Variants in SLC2A9 observed in about 807,000 individuals in gnomAD.
SLC2A9 encodes solute carrier family 2, facilitated glucose transporter member 9.
A neutral mutation model predicts 50.6 loss-of-function variants in SLC2A9; 39 were observed. The ratio of observed to expected loss-of-function variants is 0.77; its 90% CI spans 0.60 to 1.01. The LOEUF (loss-of-function observed/expected upper bound fraction) is 1.01, where lower values mean the gene tolerates loss of function less well. Ranked by LOEUF, SLC2A9 falls within the 50% of genes least tolerant of loss-of-function variation. The pLI, the probability that SLC2A9 is intolerant of heterozygous loss-of-function variation, is 0.00. For synonymous variants in SLC2A9, 324 were observed against 276.9 expected (o/e 1.17, Z -1.69); for missense variants, 686 against 677.6 (o/e 1.01, Z -0.14).
intron 3 of SLC2A9, among the ~76,000 whole-genome samples, chr4:9,820,755 C>A (rs2109042888): frequency 6.6e-6 from 1 of 152,280 alleles, no homozygotes; most frequent in Middle Eastern, 3.4e-3. Flanking sequence ...ATTGCTAGTA[C>A]AGAGAAATAC....
chr4:9,778,777 C>A (rs1417262841), downstream of SLC2A9, among the ~76,000 whole-genome samples: 1 of 152,132 alleles, frequency 6.6e-6, no homozygotes, highest in Non-Finnish European at 1.5e-5. Flanking sequence ...AACACTCATG[C>A]ATTAATTGTT....
At chr4:9,881,388 C>T (rs887756381) in intron 10 of SLC2A9, among the ~76,000 whole-genome samples, 13 of 152,290 alleles carry the variant, frequency 8.5e-5, no homozygotes, top group African/African-American at 2.6e-4. Context: ...ATTTAAGGTT[C>T]GTTTGACATG....
At chr4:10,026,000 A>G (rs1763739096), upstream of SLC2A9, 3 of 1,608,330 alleles carry the variant, frequency 1.9e-6, no homozygotes, top group Admixed American at 1.7e-5. Flanking sequence ...TTTTGTTGTT[A>G]TTGTTTCTGA....
chr4:9,916,689 TA>T (rs1742902213), intron 7 of SLC2A9, among the ~76,000 whole-genome samples: 3 of 152,266 alleles, frequency 2.0e-5, no homozygotes, highest in Middle Eastern at 3.4e-3. Flanking sequence ...CTTCTGTGTT[TA>T]AGAAAGAAGG....
intron 10 of SLC2A9, among the ~76,000 whole-genome samples, chr4:9,885,969 T>G (rs1736124076): frequency 6.6e-6 from 1 of 152,188 alleles, no homozygotes; most frequent in African/African-American, 2.4e-5. Context: ...ATTAAACAAA[T>G]GAGTACGCAG....
chr4:9,893,432 A>G (rs1737908892), intron 8 of SLC2A9, among the ~76,000 whole-genome samples: 1 of 152,084 alleles, frequency 6.6e-6, no homozygotes, highest in Admixed American at 6.5e-5. Flanking sequence ...AGGTTCAAGA[A>G]TACTGAGGGA....
At chr4:9,918,022 CT>C (rs1743203061) in intron 7 of SLC2A9, among the ~76,000 whole-genome samples, 1 of 152,166 alleles carries the variant, frequency 6.6e-6, no homozygotes, top group Non-Finnish European at 1.5e-5. Context: ...GGCACCACCC[CT>C]GGGACCTTGG....
At chr4:10,021,823 T>A (rs1368728582), upstream of SLC2A9, among the ~76,000 whole-genome samples, 1 of 150,152 alleles carries the variant, frequency 6.7e-6, no homozygotes, top group Non-Finnish European at 1.5e-5. Context: ...TGCATACAGC[T>A]CTGCCCCTGA....
At chr4:9,774,701 T>C (rs1462078615) in intron 1 of SLC2A9, among the ~76,000 whole-genome samples, 4 of 151,996 alleles carry the variant, frequency 2.6e-5, no homozygotes, top group Non-Finnish European at 5.9e-5. Context: ...TCATTTTCTC[T>C]CTCTCTCTCC....
chr4:9,987,304 G>A (rs1467836007), intron 3 of SLC2A9, among the ~76,000 whole-genome samples: 1 of 152,088 alleles, frequency 6.6e-6, no homozygotes, highest in Non-Finnish European at 1.5e-5. Context: ...ATTTTTAGTA[G>A]AGACGGGGTT....
chr4:9,781,610 G>C (rs1426011644), intron 3 of SLC2A9: 1 of 162,234 alleles, frequency 6.2e-6, no homozygotes, highest in Non-Finnish European at 1.3e-5. Flanking sequence ...GCCTGGGAGC[G>C]GCCAGGGACC....
chr4:9,799,627 A>G (rs1339576067), intron 3 of SLC2A9, among the ~76,000 whole-genome samples: 1 of 151,194 alleles, frequency 6.6e-6, no homozygotes. Context: ...GTGGACCAGC[A>G]GCACACTCTC....
chr4:9,786,337 G>C (rs1412043592), intron 3 of SLC2A9, among the ~76,000 whole-genome samples: 1 of 152,216 alleles, frequency 6.6e-6, no homozygotes, highest in South Asian at 2.1e-4. Flanking sequence ...CTTGAACCCA[G>C]GTAGCCTGGC....
intron 6 of SLC2A9, among the ~76,000 whole-genome samples, chr4:9,933,375 G>A (rs1746488053): frequency 6.6e-6 from 1 of 152,196 alleles, no homozygotes; most frequent in African/African-American, 2.4e-5. Context: ...CTGGAAAGGG[G>A]AGGGAGGGTG....
upstream of SLC2A9, among the ~76,000 whole-genome samples, chr4:10,022,990 A>G (rs1393293443): frequency 6.6e-6 from 1 of 152,198 alleles, no homozygotes; most frequent in Non-Finnish European, 1.5e-5. Context: ...GATTTCAGCT[A>G]TGCAGCCTGG....
chr4:9,925,515 C>G (rs1744737031), intron 6 of SLC2A9, among the ~76,000 whole-genome samples: 1 of 152,134 alleles, frequency 6.6e-6, no homozygotes, highest in African/African-American at 2.4e-5. Context: ...GCTAAAAGAC[C>G]CCAGACTAGT....
rs144552028 is a variant in SLC2A9, at chr4:9,864,722, T to A, written c.1291+22845A>T. ...GAAGCATAAAAGAGAGAAAATGCCA[T>A]TTCATATTTCCATTTTCTTCCTGTC... On this transcript the variant is annotated intron_variant, in intron 10 of 11. Transcript: ENST00000264784. 2.9e-3 allele frequency among the ~76,000 whole-genome samples: 441 copies of A among 152,344 alleles called. 6 individuals are homozygous for A. The highest frequency in any genetic ancestry group is 0.01 in the African/African-American group (433 of 41,572).
At chr4:9,981,508 T>A (rs1260120779) in intron 4 of SLC2A9, among the ~76,000 whole-genome samples, 1 of 152,212 alleles carries the variant, frequency 6.6e-6, no homozygotes, top group East Asian at 1.9e-4. Context: ...CTTCTAAAGA[T>A]TAGTAAACTG....
At chr4:10,016,266 C>T (rs958062498) in intron 2 of SLC2A9, among the ~76,000 whole-genome samples, 2 of 152,164 alleles carry the variant, frequency 1.3e-5, no homozygotes, top group African/African-American at 4.8e-5. Flanking sequence ...TGTCTGATGC[C>T]TGGGAAACCA....
Sources: gnomAD v4.1 joint callset for allele counts (sites outside exome capture counted in the v4.1 genomes callset) on GRCh38, gnomAD v4.1.1 for gene constraint, MANE v1.5 for transcripts, NCBI Gene and HGNC (gene_info 2026-07-23, HGNC 2026-07-21) for gene names.